ABCF2: variants seen among roughly 807,000 people sequenced by gnomAD.
ABCF2 encodes the protein ATP binding cassette subfamily F member 2.
ABCF2 carries 37 observed loss-of-function variants against 76.9 expected under a neutral mutation model. That is an observed-to-expected ratio of 0.48 (90% CI 0.37 to 0.63). The LOEUF is 0.63. Ranked by LOEUF, ABCF2 falls within the 30% of genes least tolerant of loss-of-function variation. The probability of loss-of-function intolerance (pLI) is 0.00; values close to 1 mark genes in which losing one functional copy is unlikely to be tolerated. For missense variants in ABCF2, 524 were observed against 782.1 expected, an observed-to-expected ratio of 0.67 and a Z score of 3.94; for synonymous variants, 299 against 283.7, an observed-to-expected ratio of 1.05 and a Z score of -0.54.
chr7:151,218,385 T>A (rs3800792), intron 10 of ABCF2, among the ~76,000 whole-genome samples, 176 bp downstream of exon 10: 57,256 of 151,926 alleles, frequency 0.38, 11,691 homozygotes, highest in East Asian at 0.72. Context: ...TCTTTCCATA[T>A]ACACGAAGAA....
At chr7:151,223,586 T>G in intron 5 of ABCF2, 92 bp downstream of exon 5, 1 of 1,407,976 alleles carries the variant, frequency 7.1e-7, no homozygotes, top group Non-Finnish European at 9.6e-7. Flanking sequence ...CACTTACCAC[T>G]GACTCCTGTT....
chr7:151,214,050 G>C lies in ABCF2; in HGVS notation c.*4C>G, dbSNP rs755716495. ...AGCTCCTGACCCGAACCCAGGTAGA[G>C]GGCTCACACGTTGTGGGTCCTCTTG... On this transcript the variant is annotated 3_prime_UTR_variant, in exon 15 of 15. Transcript: ENST00000287844. This position sits in a 1 kb window ranked among gnomAD's most constrained non-coding sequence, Gnocchi z 4.9. 1 of 1,613,320 alleles carries C rather than the reference G, an allele frequency of 6.2e-7. No individual in the cohort carries two copies. Among genetic ancestry groups the C allele is most frequent in the South Asian group, 1.1e-5 (1 of 91,032 alleles).
chr7:151,213,368 C>G lies in ABCF2; in HGVS notation c.*686G>C, dbSNP rs2608288. On this transcript the variant is annotated 3_prime_UTR_variant, in exon 15 of 15. Coordinates refer to ENST00000287844, the MANE Select transcript of ABCF2 (RefSeq NM_007189.3). ...CAATTTCAAATCAGAAGTAAAGGGA[C>G]AAAGTTCTTCCAGCTCCTATGGACT... The G allele has an allele frequency of 0.6, 587,933 of 984,658 alleles. 177,142 individuals carry two copies. The highest frequency in any genetic ancestry group is 0.77 in the African/African-American group (44,188 of 57,228). 61.0% of individuals were successfully genotyped at this position (984,658 alleles called of 1,614,324 possible). A position where few individuals can be genotyped will look rare whatever the true frequency, so the allele number is the denominator to read the frequency against.
intron 7 of ABCF2, 57 bp downstream of exon 7, chr7:151,221,517 AAGAG>A: frequency 1.8e-6 from 2 of 1,133,054 alleles, no homozygotes; most frequent in Non-Finnish European, 2.6e-6. Context: ...TTTTTTTTTA[AAGAG>A]AATTTCAGAG....
At position 151,223,014 on chromosome 7, in the gene ABCF2, G is replaced by A. The variant is rs182308294; in HGVS notation, c.723-398C>T. ...TTGTGGGGTGGCCAGAGTCTAGCGA[G>A]GGATAGACTCTAAAGCTCTGGTTCC... On this transcript the variant is annotated intron_variant, in intron 5 of 14. Coordinates refer to ENST00000287844, the MANE Select transcript of ABCF2 (RefSeq NM_007189.3). Among the ~76,000 whole-genome samples, 24 of 152,314 alleles carry A rather than the reference G, an allele frequency of 1.6e-4. No individual in the cohort carries two copies. In the East Asian group the frequency reaches 4.6e-3, roughly 29 times the overall value.
chr7:151,218,004 C>G, intron 11 of ABCF2, 77 bp downstream of exon 11: 1 of 1,089,854 alleles, frequency 9.2e-7, no homozygotes, highest in Non-Finnish European at 1.4e-6. Context: ...AAGTAGTAGC[C>G]CCTGCATCAC....
rs1802100672 is a variant in ABCF2 at position 151,213,975 on chromosome 7, G to T, written c.*79C>A. 7 of 1,584,910 alleles carry T rather than the reference G, an allele frequency of 4.4e-6. No individual in the cohort carries two copies. The highest frequency in any genetic ancestry group is 1.4e-5 in the African/African-American group (1 of 73,872). ...AGCAATGCAGGAGTGTAGCCCCAGG[G>T]TCCTGTCCTGAGCGGCTGGTCAGGT... On this transcript the variant is annotated 3_prime_UTR_variant, in exon 15 of 15. Coordinates refer to ENST00000287844, the MANE Select transcript of ABCF2 (RefSeq NM_007189.3).
In ABCF2 at chr7:151,214,204, AC is replaced by A; in HGVS notation, c.1735-14del. The A allele has an allele frequency of 6.2e-7, 1 of 1,613,948 alleles. No homozygotes were observed. The highest frequency in any genetic ancestry group is 8.5e-7 in the Non-Finnish European group (1 of 1,179,952). On this transcript the variant is annotated splice_polypyrimidine_tract_variant and intron_variant, in intron 14 of 14. Coordinates refer to ENST00000287844, the MANE Select transcript of ABCF2 (RefSeq NM_007189.3). This position sits in a 1 kb window ranked among gnomAD's most constrained non-coding sequence, Gnocchi z 4.9. ...TTTCCTGTGCAACCTAGAAAGCAAA[AC>A]CTGGACTTAATCCTGGGCTAGTCAC...
Position 151,218,841 on chromosome 7 carries a change from G to A in ABCF2, c.1050C>T (p.Ala350=). 1 of 1,613,542 alleles carries A rather than the reference G, an allele frequency of 6.2e-7. No homozygotes were observed. Among genetic ancestry groups the A allele is most frequent in the Non-Finnish European group, 8.5e-7 (1 of 1,179,994 alleles). Residue 350 remains alanine, a synonymous_variant, in exon 9 of 15, where the codon GCC becomes GCT. Coordinates refer to ENST00000287844, the MANE Select transcript of ABCF2 (RefSeq NM_007189.3). ...TGCTCTGGGCCTGCCGGGCCAGCTT[G>A]GCACTGCCATGACCAAACCTCGCAA... The part of the protein sequence containing the change: ...NYIARFGHGS[A]KLARQAQSKE...
rs1305851644 is a variant in ABCF2, at chr7:151,211,515, T to A, written c.*2539A>T. 2 of 984,132 alleles carry A rather than the reference T, an allele frequency of 2.0e-6. No homozygotes were observed. The highest frequency in any genetic ancestry group is 2.4e-6 in the Non-Finnish European group (2 of 828,828). 61.0% of individuals were successfully genotyped at this position (984,132 alleles called of 1,614,324 possible). A position where few individuals can be genotyped will look rare whatever the true frequency, so the allele number is the denominator to read the frequency against. Reference sequence around the variant, plus strand: ...TAGAAATATGTATTTTGTGGACTTTTAAAGCATTATTTAAATTACCAAGGT... The same window carrying A: ...TAGAAATATGTATTTTGTGGACTTTAAAAGCATTATTTAAATTACCAAGGT... On this transcript the variant is annotated 3_prime_UTR_variant, in exon 15 of 15. Coordinates refer to ENST00000287844, the MANE Select transcript of ABCF2 (RefSeq NM_007189.3).
In ABCF2 at chr7:151,213,906, A is replaced by G; in HGVS notation, c.*148T>C. ...AGCTGTAGGTAAGAGAGTGCAGCTA[A>G]GGCAGGTTGAGGGGCAGGGGAGAGG... is the stretch of plus-strand genomic sequence containing the variant. On this transcript the variant is annotated 3_prime_UTR_variant, in exon 15 of 15. Transcript: ENST00000287844. 1 of 1,465,812 alleles carries G rather than the reference A, an allele frequency of 6.8e-7. No individual in the cohort carries two copies. The highest frequency in any genetic ancestry group is 9.0e-7 in the Non-Finnish European group (1 of 1,117,294). 90.8% of individuals were successfully genotyped at this position (1,465,812 alleles called of 1,614,324 possible). A position where few individuals can be genotyped will look rare whatever the true frequency, so the allele number is the denominator to read the frequency against.
At chr7:151,225,376 T>TA (rs1340920436) in intron 2 of ABCF2, among the ~76,000 whole-genome samples, 4 of 151,764 alleles carry the variant, frequency 2.6e-5, no homozygotes, top group African/African-American at 9.7e-5. Context: ...AAGCAAGTCA[T>TA]AAAAAAAACC....
Position 151,223,669 on chromosome 7 carries a change from G to C in ABCF2, c.722+9C>G, listed in dbSNP as rs566221603. The C allele has an allele frequency of 8.8e-5, 140 of 1,583,882 alleles. No homozygotes were observed. The highest frequency in any genetic ancestry group is 1.2e-4 in the Non-Finnish European group (139 of 1,160,818). ...AGTTATGGGGGTAGGGAAGGAGGGA[G>C]GGACTCACCTGGCAAGGGCAACCCT... On this transcript the variant is annotated intron_variant, in intron 5 of 14. Coordinates refer to ENST00000287844, the MANE Select transcript of ABCF2 (RefSeq NM_007189.3).
Position 151,221,580 on chromosome 7 carries a change from TA to T in ABCF2, c.918del (p.Tyr306Ter). ...IHMHNKKLKY[Y>X]TGNYDQYVKT... ...AGAAGAAGCCGAGGCCCACTCACCG[TA>T]TAATACTTCAGTTTCTTGTTGTGCA... On this transcript the variant is annotated frameshift_variant, in exon 7 of 15. Coordinates refer to ENST00000287844, the MANE Select transcript of ABCF2 (RefSeq NM_007189.3). 1 of 1,574,226 alleles carries T rather than the reference TA, an allele frequency of 6.4e-7. No individual in the cohort carries two copies. Among genetic ancestry groups the T allele is most frequent in the Non-Finnish European group, 8.7e-7 (1 of 1,144,614 alleles).
intron 7 of ABCF2, among the ~76,000 whole-genome samples, chr7:151,219,523 C>G (rs1226770116): frequency 6.6e-6 from 1 of 152,154 alleles, no homozygotes; most frequent in East Asian, 1.9e-4. Context: ...GGCTGAAGCC[C>G]CACAAAAGAC....
intron 5 of ABCF2, among the ~76,000 whole-genome samples, chr7:151,222,983 C>G (rs550094488): frequency 3.3e-4 from 51 of 152,246 alleles, no homozygotes; most frequent in Non-Finnish European, 6.6e-4. Context: ...TGAAGATAGA[C>G]CTATCTTGTG....
rs192400817 is a variant in ABCF2 at position 151,226,524 on chromosome 7, C to T, written c.-42-24G>A. The T allele has an allele frequency of 2.6e-6, 4 of 1,538,578 alleles. No homozygotes were observed. In the African/African-American group the frequency reaches 4.1e-5, roughly 16 times the overall value. On this transcript the variant is annotated intron_variant, in intron 1 of 14. Transcript: ENST00000287844. Reference sequence around the variant, plus strand: ...GCCTGAAGGAAGGCAAACAGATACCCCCAAACCCTAAACTTACTAGTAAGA... The same window carrying T: ...GCCTGAAGGAAGGCAAACAGATACCTCCAAACCCTAAACTTACTAGTAAGA...
rs1802102232 is a variant in ABCF2 at position 151,214,049 on chromosome 7, A to AG, written c.*4dup. The AG allele has an allele frequency of 6.2e-7, 1 of 1,613,024 alleles. No individual in the cohort carries two copies. The highest frequency in any genetic ancestry group is 8.5e-7 in the Non-Finnish European group (1 of 1,179,772). On this transcript the variant is annotated 3_prime_UTR_variant, in exon 15 of 15. Coordinates refer to ENST00000287844, the MANE Select transcript of ABCF2 (RefSeq NM_007189.3). This position sits in a 1 kb window ranked among gnomAD's most constrained non-coding sequence, Gnocchi z 4.9. ...GAGCTCCTGACCCGAACCCAGGTAG[A>AG]GGGCTCACACGTTGTGGGTCCTCTT...
chr7:151,224,209 C>T, intron 3 of ABCF2, 95 bp from the exon 4 acceptor site: 2 of 1,268,252 alleles, frequency 1.6e-6, no homozygotes, highest in South Asian at 1.4e-5. Flanking sequence ...GGACCTCATC[C>T]ATTTTTTTTT....
Sources: allele counts gnomAD v4.1 joint callset (sites outside exome capture counted in the v4.1 genomes callset), GRCh38; gene constraint gnomAD v4.1.1; non-coding constraint Gnocchi (gnomAD v3.1); transcripts MANE v1.5; gene names NCBI Gene and HGNC (gene_info 2026-07-23, HGNC 2026-07-21).